The following ARHGAP42 variants were observed in gnomAD, a reference collection of about 807,000 sequenced individuals.
ARHGAP42 encodes Rho GTPase activating protein 42, also known as rho GTPase-activating protein 42.
A neutral mutation model predicts 125.0 loss-of-function variants in ARHGAP42; 63 were observed. That is an observed-to-expected ratio of 0.50 (90% CI 0.41 to 0.62). The LOEUF (loss-of-function observed/expected upper bound fraction) is 0.62. Among genes scored for constraint, ARHGAP42 ranks in the 20% least tolerant of loss-of-function variants. The probability of loss-of-function intolerance (pLI) is 0.00; values close to 1 mark genes in which losing one functional copy is unlikely to be tolerated. For synonymous variants in ARHGAP42, 339 were observed against 351.0 expected, an observed-to-expected ratio of 0.97 and a Z score of 0.38; for missense variants, 766 against 1,024.2, an observed-to-expected ratio of 0.75 and a Z score of 3.44.
At chr11:100,820,309 T>C (rs907494470) in intron 3 of ARHGAP42, among the ~76,000 whole-genome samples, 1 of 152,132 alleles carries the variant, frequency 6.6e-6, no homozygotes, top group Non-Finnish European at 1.5e-5. Flanking sequence ...AGTCACCATA[T>C]AATGTTCTTA....
chr11:100,889,135 G>A (rs1358130082), intron 4 of ARHGAP42, among the ~76,000 whole-genome samples: 1 of 152,178 alleles, frequency 6.6e-6, no homozygotes, highest in East Asian at 1.9e-4. Context: ...TAAATATTTA[G>A]TGAATCACTA....
At chr11:100,936,873 A>G (rs2135265909) in intron 8 of ARHGAP42, among the ~76,000 whole-genome samples, 1 of 152,360 alleles carries the variant, frequency 6.6e-6, no homozygotes, top group South Asian at 2.1e-4. Flanking sequence ...TTAAAAAGCC[A>G]TTCGGACTTG....
At chr11:100,776,253 G>A (rs1394353022) in intron 2 of ARHGAP42, among the ~76,000 whole-genome samples, 1 of 152,124 alleles carries the variant, frequency 6.6e-6, no homozygotes, top group South Asian at 2.1e-4. Context: ...TTCATTCTAT[G>A]TAATCTTGGA....
In ARHGAP42 at chr11:100,990,403, C is replaced by G. The variant is rs1375904586; in HGVS notation, c.*1602C>G. 6 of 152,004 alleles carry G rather than the reference C, an allele frequency of 3.9e-5. No homozygotes were observed. Among genetic ancestry groups the G allele is most frequent in the Admixed American group, 2.0e-4 (3 of 15,264 alleles). 9.4% of individuals were successfully genotyped at this position (152,004 alleles called of 1,614,324 possible). A position where few individuals can be genotyped will look rare whatever the true frequency, so the allele number is the denominator to read the frequency against. ...TACACATACACACACACAACTATGC[C>G]TCAGAAAAGTTAGGCTTTTACAAAT... On this transcript the variant is annotated 3_prime_UTR_variant, in exon 24 of 24. Coordinates refer to ENST00000298815, the MANE Select transcript of ARHGAP42 (RefSeq NM_152432.4).
intron 3 of ARHGAP42, among the ~76,000 whole-genome samples, chr11:100,836,529 G>T (rs2135102933): frequency 6.6e-6 from 1 of 152,140 alleles, no homozygotes; most frequent in Admixed American, 6.6e-5. Flanking sequence ...GTTTGAATCA[G>T]TAGGAATCTA....
intron 4 of ARHGAP42, among the ~76,000 whole-genome samples, chr11:100,902,009 G>A (rs2092551654): frequency 6.6e-6 from 1 of 152,196 alleles, no homozygotes. Context: ...GGGAGCTGCA[G>A]ACCAGAGCTA....
At chr11:100,728,713 CGTATATATATATATATATATATATAT>C (rs1276232160) in intron 1 of ARHGAP42, among the ~76,000 whole-genome samples, 49 of 95,312 alleles carry the variant, frequency 5.1e-4, no homozygotes, top group East Asian at 1.6e-3. Flanking sequence ...AATGACTTTG[CGTATATATATATATATATATATATAT>C]ATATATATAT....
rs1000781784 is a variant in ARHGAP42 at position 100,961,915 on chromosome 11, A to G, written c.1385+147A>G. 1.2e-5 allele frequency: 7 copies of G among 601,828 alleles called. No individual in the cohort carries two copies. The East Asian group carries it at 2.0e-4, about 17-fold the overall frequency. The allele number at this position is 601,828 out of a possible 1,614,324, so 37.3% of individuals were successfully genotyped here. On this transcript the variant is annotated intron_variant, in intron 15 of 23. Transcript: ENST00000298815. ...ATAAGGTGAAATAGCATGACATGGT[A>G]ACATTTACATTTAGTGTTCTGGAAC...
chr11:100,737,841 T>C (rs1345378792), intron 1 of ARHGAP42, among the ~76,000 whole-genome samples: 1 of 152,236 alleles, frequency 6.6e-6, no homozygotes, highest in Non-Finnish European at 1.5e-5. Context: ...AAAAGGGGCC[T>C]ACATCTCACA....
chr11:100,800,522 CAG>C (rs1863825698), intron 3 of ARHGAP42, among the ~76,000 whole-genome samples: 1 of 152,030 alleles, frequency 6.6e-6, no homozygotes, highest in Non-Finnish European at 1.5e-5. Context: ...AATATGATGA[CAG>C]AGTCAAGGAC....
At chr11:100,774,257 C>A (rs778520408) in intron 2 of ARHGAP42, among the ~76,000 whole-genome samples, 1 of 152,152 alleles carries the variant, frequency 6.6e-6, no homozygotes, top group African/African-American at 2.4e-5. Flanking sequence ...CTGGGACTAA[C>A]GTGTGTGTCT....
At chr11:100,928,842 T>G (rs1867497505) in intron 6 of ARHGAP42, among the ~76,000 whole-genome samples, 1 of 152,198 alleles carries the variant, frequency 6.6e-6, no homozygotes, top group African/African-American at 2.4e-5. Flanking sequence ...ACTCTGGGCC[T>G]TTCATACAAA....
At chr11:100,827,002 C>CTTTTT (rs869260353) in intron 3 of ARHGAP42, among the ~76,000 whole-genome samples, 78 of 80,892 alleles carry the variant, frequency 9.6e-4, no homozygotes, top group Non-Finnish European at 1.2e-3. Flanking sequence ...GCCTTACATC[C>CTTTTT]TTTTTTTTTT....
chr11:100,959,729 C>T (rs1175229873), intron 12 of ARHGAP42, 154 bp from the exon 13 acceptor site: 8 of 641,526 alleles, frequency 1.2e-5, no homozygotes, highest in Middle Eastern at 2.5e-4. Flanking sequence ...TACTTCTACC[C>T]CAAAATAAAA....
At chr11:100,877,747 C>T (rs61890821) in intron 4 of ARHGAP42, among the ~76,000 whole-genome samples, 10,785 of 152,166 alleles carry the variant, frequency 0.071, 540 homozygotes, top group East Asian at 0.25. Flanking sequence ...TGGCTCACGC[C>T]TGTAATCCCA....
chr11:100,862,167 G>C (rs1430805655), intron 4 of ARHGAP42, among the ~76,000 whole-genome samples: 1 of 152,162 alleles, frequency 6.6e-6, no homozygotes, highest in Non-Finnish European at 1.5e-5. Context: ...GTGGGTACTA[G>C]TGTTATACCT....
At chr11:100,959,677 A>T (rs771741349) in intron 12 of ARHGAP42, among the ~76,000 whole-genome samples, 1 of 152,126 alleles carries the variant, frequency 6.6e-6, no homozygotes, top group Non-Finnish European at 1.5e-5. Context: ...GAAGGATCTT[A>T]GCAGGTTGAT....
intron 1 of ARHGAP42, among the ~76,000 whole-genome samples, chr11:100,735,670 G>T (rs540160590): frequency 7.1e-6 from 1 of 141,372 alleles, no homozygotes; most frequent in African/African-American, 2.6e-5. Context: ...GTGCAATGGC[G>T]TGATCTAGGC....
chr11:100,933,283 T>A (rs767750518), intron 7 of ARHGAP42, 23 bp downstream of exon 7: 4 of 1,465,632 alleles, frequency 2.7e-6, no homozygotes, highest in Non-Finnish European at 3.7e-6. Context: ...CTGTTCTTAC[T>A]GTCTCTCAGC....
Sources: allele counts gnomAD v4.1 joint callset (sites outside exome capture counted in the v4.1 genomes callset), GRCh38; gene constraint gnomAD v4.1.1; transcripts MANE v1.5; gene names NCBI Gene and HGNC (gene_info 2026-07-23, HGNC 2026-07-21).